Variants in SVEP1 observed in about 807,000 individuals in gnomAD.
SVEP1 encodes the protein sushi, von Willebrand factor type A, EGF and pentraxin domain-containing protein 1.
Under a neutral mutation model 367.3 loss-of-function variants are expected in SVEP1, and 164 were observed. The ratio of observed to expected loss-of-function variants is 0.45; its 90% CI spans 0.39 to 0.51. SVEP1 has a LOEUF of 0.51. SVEP1 is among the 20% of genes least tolerant of loss of function. The pLI is 0.00. For synonymous variants in SVEP1, 1,666 were observed against 1,611.6 expected, an observed-to-expected ratio of 1.03 and a Z score of -0.81; for missense variants, 4,117 against 4,425.3, an observed-to-expected ratio of 0.93 and a Z score of 1.98.
chr9:110,386,191 T>C (rs1827519483), intron 42 of SVEP1, 117 bp from the exon 43 acceptor site: 1 of 1,108,300 alleles, frequency 9.0e-7, no homozygotes, highest in Non-Finnish European at 1.2e-6. Flanking sequence ...TCATATAAGG[T>C]TTAAAAATAT....
At chr9:110,391,256 G>T (rs112722706) in intron 40 of SVEP1, among the ~76,000 whole-genome samples, 55 of 146,674 alleles carry the variant, frequency 3.7e-4, no homozygotes, top group African/African-American at 1.3e-3. Flanking sequence ...AACCTGATGG[G>T]TCATTACTTT....
Position 110,375,465 on chromosome 9 carries a change from T to TAAAAA in SVEP1, c.10505-7_10505-3dup, listed in dbSNP as rs71373993. The TAAAAA allele has an allele frequency of 0.04, 22,128 of 550,790 alleles. 1,700 individuals carry two copies. The highest frequency in any genetic ancestry group is 0.043 in the Non-Finnish European group (16,053 of 369,474). 34.1% of individuals were successfully genotyped at this position (550,790 alleles called of 1,614,324 possible). A position where few individuals can be genotyped will look rare whatever the true frequency, so the allele number is the denominator to read the frequency against. ...TCAGACAGGGAAGAATGCAGATTGC[T>TAAAAA]AAAAAAAAAAAAAAAAAAAAAAAAA... On this transcript the variant is annotated splice_region_variant and splice_polypyrimidine_tract_variant and intron_variant, in intron 45 of 47. Transcript: ENST00000374469.
In SVEP1 at chr9:110,395,377, A is replaced by G. The variant is rs62571898; in HGVS notation, c.9822+5477T>C. ...GCACTAAACATGGAAAGGAACAACC[A>G]GTACCACCCACTGCAAAAACATGCC... is the stretch of plus-strand genomic sequence containing the variant. On this transcript the variant is annotated intron_variant, in intron 40 of 47. Coordinates refer to ENST00000374469, the MANE Select transcript of SVEP1 (RefSeq NM_153366.4). Among the ~76,000 whole-genome samples, 566 of 152,320 alleles carry G rather than the reference A, an allele frequency of 3.7e-3. 24 individuals carry two copies. In the East Asian group the frequency reaches 0.1, roughly 27 times the overall value.
chr9:110,443,663 A>G lies in SVEP1; in HGVS notation c.4521T>C (p.Asp1507=), dbSNP rs1426863784. ...EKITNCPSVN[D]GRWHHIAITW... The stretch of plus-strand genomic sequence containing the variant: ...TGATTGCAATATGATGCCATCTGCC[A>G]TCATTCACCGAGGGACAGTTTGTTA... The change falls in exon 27 of 48, where the codon GAT becomes GAC. Residue 1507 remains aspartate (D), a synonymous_variant. Transcript: ENST00000374469. 23 of 1,612,304 alleles carry G rather than the reference A, an allele frequency of 1.4e-5. No homozygotes were observed. Among genetic ancestry groups the G allele is most frequent in the Non-Finnish European group, 2.0e-5 (23 of 1,179,218 alleles).
At chr9:110,535,730 G>C (rs1830070887) in intron 3 of SVEP1, among the ~76,000 whole-genome samples, 1 of 151,866 alleles carries the variant, frequency 6.6e-6, no homozygotes, top group Non-Finnish European at 1.5e-5. Flanking sequence ...TCACCTCCCT[G>C]GTTAGCTGTA....
At chr9:110,508,533 G>A (rs544598832) in intron 5 of SVEP1, among the ~76,000 whole-genome samples, 141 of 152,026 alleles carry the variant, frequency 9.3e-4, no homozygotes, top group African/African-American at 3.1e-3. Flanking sequence ...AGGCTGAGGC[G>A]GGTGGATCAT....
At chr9:110,520,865 T>C (rs1398945632) in intron 3 of SVEP1, among the ~76,000 whole-genome samples, 1 of 152,202 alleles carries the variant, frequency 6.6e-6, no homozygotes, top group South Asian at 2.1e-4. Flanking sequence ...GGCAGTTGCA[T>C]GAGCTGCATT....
intron 21 of SVEP1, among the ~76,000 whole-genome samples, chr9:110,456,857 G>T (rs1214957909): frequency 6.6e-6 from 1 of 152,160 alleles, no homozygotes; most frequent in Non-Finnish European, 1.5e-5. Context: ...CTATTCATAA[G>T]AACTTCTATT....
In SVEP1 at chr9:110,375,373, T is replaced by C. The variant is rs201857903; in HGVS notation, c.10595A>G (p.His3532Arg). The stretch of plus-strand genomic sequence containing the variant: ...AAACCATGAAAGAGGCCTACCTGTA[T>C]GACAGCGAGACCCCGTCCAGCCAGG... The part of the protein sequence containing the change: ...CPPGWTGSRC[H>R]TAVCQSPCLN... Residue 3532 changes from histidine (H) to arginine (R), a missense_variant, in exon 46 of 48, where the codon CAT (histidine) becomes CGT (arginine). His to Arg is a conservative substitution (Grantham distance 29, BLOSUM62 0). This residue lies in a region of SVEP1 where 1,765 missense variants were observed against 1,781.1 expected (regional missense o/e 0.99). Coordinates refer to ENST00000374469, the MANE Select transcript of SVEP1 (RefSeq NM_153366.4). 5.3e-5 allele frequency: 81 copies of C among 1,542,046 alleles called. No homozygotes were observed. The highest frequency in any genetic ancestry group is 6.7e-5 in the Non-Finnish European group (77 of 1,144,312).
Position 110,408,065 on chromosome 9 carries a change from G to C in SVEP1, c.7535C>G (p.Thr2512Arg). ...AACGGTCTGTCCATAGTGTAGGTCC[G>C]TGTAAGAGAATTTGCCATTCAAAAT... ...KEILNGKFSY[T>R]DLHYGQTVTY... The change falls in exon 38 of 48, where the codon ACG becomes AGG. Residue 2512 changes from threonine (T) to arginine (R), a missense_variant. By Grantham distance (71) the Thr-to-Arg change is moderately conservative. Coordinates refer to ENST00000374469, the MANE Select transcript of SVEP1 (RefSeq NM_153366.4). The C allele has an allele frequency of 6.2e-7, 1 of 1,613,324 alleles. No homozygotes were observed. Among genetic ancestry groups the C allele is most frequent in the Non-Finnish European group, 8.5e-7 (1 of 1,179,702 alleles).
At chr9:110,573,978 C>T (rs1268073551) in intron 1 of SVEP1, among the ~76,000 whole-genome samples, 2 of 152,210 alleles carry the variant, frequency 1.3e-5, no homozygotes, top group African/African-American at 4.8e-5. Flanking sequence ...ACTATGTCTA[C>T]ACTGCACTTT....
chr9:110,564,903 C>A (rs537188104), intron 1 of SVEP1, among the ~76,000 whole-genome samples: 42 of 151,836 alleles, frequency 2.8e-4, no homozygotes, highest in African/African-American at 9.9e-4. Context: ...AAAATGTAGT[C>A]TCTGGTGGAT....
intron 36 of SVEP1, among the ~76,000 whole-genome samples, chr9:110,413,918 A>C (rs1255388313): frequency 6.6e-6 from 1 of 152,042 alleles, no homozygotes; most frequent in Non-Finnish European, 1.5e-5. Flanking sequence ...GCTTAGATGT[A>C]ATGATTTCTT....
At chr9:110,395,372 C>G (rs1042207848) in intron 40 of SVEP1, among the ~76,000 whole-genome samples, 1 of 152,164 alleles carries the variant, frequency 6.6e-6, no homozygotes, top group Non-Finnish European at 1.5e-5. Flanking sequence ...TGGAAAGGAA[C>G]AACCAGTACC....
chr9:110,427,614 G>A lies in SVEP1; in HGVS notation c.5952C>T (p.Thr1984=), dbSNP rs563078210. Residue 1984 remains threonine, a synonymous_variant, in exon 36 of 48, where the codon ACC becomes ACT. Transcript: ENST00000374469. ...ITGNNFTFRN[T]VTYTCKEGYT... is the part of the protein sequence containing the mutation. The stretch of plus-strand genomic sequence containing the variant: ...ACCCTTCTTTGCAAGTGTAAGTGAC[G>A]GTGTTCCTGAAAGTGAAGTTATTCC... The A allele has an allele frequency of 1.3e-5, 21 of 1,613,650 alleles. No homozygotes were observed. The highest frequency in any genetic ancestry group is 8.0e-5 in the African/African-American group (6 of 75,016).
At position 110,451,518 on chromosome 9, in the gene SVEP1, A is replaced by G. The variant is rs1828693027; in HGVS notation, c.3788-116T>C. ...AGGGAAATTGGAAATCATGGCTAACATGTTTGTGACAAACATGTTGAAATA... is the reference window on the plus strand; with the variant it reads ...AGGGAAATTGGAAATCATGGCTAACGTGTTTGTGACAAACATGTTGAAATA... On this transcript the variant is annotated intron_variant, in intron 22 of 47. Coordinates refer to ENST00000374469, the MANE Select transcript of SVEP1 (RefSeq NM_153366.4). 6 of 643,504 alleles carry G rather than the reference A, an allele frequency of 9.3e-6. No homozygotes were observed. In the South Asian group the frequency reaches 1.2e-4, roughly 13 times the overall value. The allele number at this position is 643,504 out of a possible 1,614,324, so 39.9% of individuals were successfully genotyped here.
intron 32 of SVEP1, among the ~76,000 whole-genome samples, chr9:110,430,928 C>G (rs764450583): frequency 6.6e-6 from 1 of 152,102 alleles, no homozygotes. Flanking sequence ...GGGTCGGTCT[C>G]CACTGCTATA....
rs1328605180 is a variant in SVEP1 at position 110,579,668 on chromosome 9, C to T, written c.-125G>A. ...GGCGCGGGGCAGCGGCCAAGAGCCT[C>T]AGCGCCCTTTCATCTGACACTGGGG... On this transcript the variant is annotated 5_prime_UTR_variant, in exon 1 of 48. It removes the in-frame stop codon of an upstream open reading frame in the 5' UTR. Transcript: ENST00000374469. The surrounding 1 kb of genome is among the most constrained non-coding windows in gnomAD (Gnocchi z 5.3). 10 of 1,202,174 alleles carry T rather than the reference C, an allele frequency of 8.3e-6. No homozygotes were observed. Among genetic ancestry groups the T allele is most frequent in the Non-Finnish European group, 1.1e-5 (10 of 908,678 alleles). The allele number at this position is 1,202,174 out of a possible 1,614,324, so 74.5% of individuals were successfully genotyped here.
rs891855402 is a variant in SVEP1, at chr9:110,400,876, C to A, written c.9800G>T (p.Cys3267Phe). Residue 3267 changes from cysteine to phenylalanine, a missense_variant, in exon 40 of 48, where the codon TGT becomes TTT. Physicochemically the swap from Cys to Phe is radical, Grantham distance 205 (BLOSUM62 -2). Around this residue, in one of 4 missense-constraint regions of SVEP1, gnomAD observed 1,765 missense variants for 1,781.1 expected, o/e 0.99. Transcript: ENST00000374469. ...YTFESTIIYQ[C>F]EPGYELEGNR... ...TACCTCTAGTTCATAGCCAGGCTCACACTGATAAATAATTGTGCTTTCAAA... is the reference window on the plus strand; with the variant it reads ...TACCTCTAGTTCATAGCCAGGCTCAAACTGATAAATAATTGTGCTTTCAAA... The A allele has an allele frequency of 1.9e-6, 3 of 1,613,692 alleles. No homozygotes were observed. The highest frequency in any genetic ancestry group is 2.5e-6 in the Non-Finnish European group (3 of 1,179,780).
Sources: allele counts gnomAD v4.1 joint callset (sites outside exome capture counted in the v4.1 genomes callset), GRCh38; gene constraint gnomAD v4.1.1; regional missense constraint gnomAD v4.1.1; non-coding constraint Gnocchi (gnomAD v3.1); transcripts MANE v1.5; gene names NCBI Gene and HGNC (gene_info 2026-07-23, HGNC 2026-07-21).